The following FGGY variants were observed in gnomAD, a reference collection of about 807,000 sequenced individuals.
The protein encoded by FGGY is FGGY carbohydrate kinase domain-containing protein.
FGGY carries 72 observed loss-of-function variants against 71.3 expected under a neutral mutation model. The observed-to-expected ratio is 1.01, with a 90% CI of 0.84 to 1.23. FGGY has a LOEUF of 1.23. Among genes scored for constraint, FGGY ranks in the 50% most tolerant of loss-of-function variants. The pLI is 0.00. For missense variants in FGGY, 668 were observed against 682.3 expected, an observed-to-expected ratio of 0.98 and a Z score of 0.23; for synonymous variants, 251 against 250.3, an observed-to-expected ratio of 1.00 and a Z score of -0.02.
At chr1:59,409,623 T>TAA (rs1302372360) in intron 5 of FGGY, among the ~76,000 whole-genome samples, 1 of 146,852 alleles carries the variant, frequency 6.8e-6, no homozygotes, top group South Asian at 2.1e-4. Flanking sequence ...TATATATATA[T>TAA]AAACAGACAA....
rs142770121 is a variant in FGGY, at chr1:59,663,985, A to G, written c.1297-3298A>G. Among the ~76,000 whole-genome samples the G allele has an allele frequency of 3.5e-4, 54 of 152,282 alleles. 1 individual carries two copies. The highest frequency in any genetic ancestry group is 1.2e-3 in the African/African-American group (51 of 41,562). On this transcript the variant is annotated intron_variant, in intron 12 of 15. Coordinates refer to ENST00000303721, the MANE Select transcript of FGGY (RefSeq NM_018291.5). ...TGAAATGAAATTAAAGAGGATTGTA[A>G]TCAAGTTAACTTGGGACTGTGCAAA...
At chr1:59,543,130 TTATC>T (rs2095470320) in intron 7 of FGGY, among the ~76,000 whole-genome samples, 1 of 152,220 alleles carries the variant, frequency 6.6e-6, no homozygotes, top group Non-Finnish European at 1.5e-5. Flanking sequence ...TCTACACTAT[TTATC>T]TAAGCTGTTG....
intron 12 of FGGY, 133 bp from the exon 13 acceptor site, chr1:59,667,150 T>C: frequency 8.9e-7 from 1 of 1,120,370 alleles, no homozygotes; most frequent in Non-Finnish European, 1.3e-6. Context: ...ATAATCTCTG[T>C]GAGTCTCAGC....
chr1:59,310,079 A>T (rs530665438), intron 1 of FGGY: 5 of 150,850 alleles, frequency 3.3e-5, no homozygotes, highest in South Asian at 2.1e-4. Flanking sequence ...TGAGGGGGGA[A>T]ATTTTGCATG....
At chr1:59,712,225 A>G (rs565509846) in intron 14 of FGGY, among the ~76,000 whole-genome samples, 1 of 152,352 alleles carries the variant, frequency 6.6e-6, no homozygotes, top group Admixed American at 6.5e-5. Context: ...TGTGTCTCAC[A>G]TCCAGGTCAC....
Position 59,686,151 on chromosome 1 carries a change from T to G in FGGY, c.1512+12018T>G, listed in dbSNP as rs117040441. On this transcript the variant is annotated intron_variant, in intron 14 of 15. Coordinates refer to ENST00000303721, the MANE Select transcript of FGGY (RefSeq NM_018291.5). ...CTGGGTTTATAGCTTTTTGGAGATGTCACTTGACTCAGTGATAGAACCAAG... is the reference window on the plus strand; with the variant it reads ...CTGGGTTTATAGCTTTTTGGAGATGGCACTTGACTCAGTGATAGAACCAAG... Among the ~76,000 whole-genome samples, 55 of 152,304 alleles carry G rather than the reference T, an allele frequency of 3.6e-4. No homozygotes were observed. The East Asian group carries it at 6.2e-3, about 17-fold the overall frequency.
At chr1:59,348,477 C>G (rs561836274) in intron 4 of FGGY, among the ~76,000 whole-genome samples, 1 of 152,156 alleles carries the variant, frequency 6.6e-6, no homozygotes, top group South Asian at 2.1e-4. Context: ...TAATGGTTCC[C>G]ATTAGAGATG....
At chr1:59,353,540 A>G (rs2153225235) in intron 4 of FGGY, among the ~76,000 whole-genome samples, 1 of 152,320 alleles carries the variant, frequency 6.6e-6, no homozygotes, top group South Asian at 2.1e-4. Context: ...TATGTGTAAT[A>G]CCAATTCCAA....
chr1:59,674,098 G>A lies in FGGY; in HGVS notation c.1477G>A (p.Gly493Ser), dbSNP rs1163850987. ...CGTTCTTGTGGGTGCTGCTGTTCTG[G>A]GTGCCTGTGCCTCAGGGGATTTCGC... is the stretch of plus-strand genomic sequence containing the variant. ...ESVLVGAAVL[G>S]ACASGDFASV... Residue 493 changes from glycine to serine, a missense_variant, in exon 14 of 16, where the codon GGT (glycine) becomes AGT (serine). Gly to Ser is a moderately conservative substitution (Grantham distance 56). This residue lies in a region of FGGY where 661 missense variants were observed against 661.6 expected (regional missense o/e 1.00). Coordinates refer to ENST00000303721, the MANE Select transcript of FGGY (RefSeq NM_018291.5). 1 of 1,613,834 alleles carries A rather than the reference G, an allele frequency of 6.2e-7. No homozygotes were observed. Among genetic ancestry groups the A allele is most frequent in the East Asian group, 2.2e-5 (1 of 44,864 alleles).
intron 8 of FGGY, among the ~76,000 whole-genome samples, chr1:59,596,282 A>AT (rs60670399): frequency 0.095 from 14,134 of 149,056 alleles, 779 homozygotes; most frequent in South Asian, 0.29. Flanking sequence ...AAAATGTGTG[A>AT]TTTTTTTTTT....
intron 6 of FGGY, among the ~76,000 whole-genome samples, chr1:59,471,352 T>A (rs547517003): frequency 6.6e-6 from 1 of 152,284 alleles, no homozygotes; most frequent in East Asian, 1.9e-4. Flanking sequence ...AAACCTCTTT[T>A]CTTCATAAAT....
At position 59,439,766 on chromosome 1, in the gene FGGY, T is replaced by C. The variant is rs139695055; in HGVS notation, c.555-17195T>C. On this transcript the variant is annotated intron_variant, in intron 5 of 15. Coordinates refer to ENST00000303721, the MANE Select transcript of FGGY (RefSeq NM_018291.5). Reference sequence around the variant, plus strand: ...TCCATATCCTTCTCTTCCCTAGGCATAATTTTCCTTTCCATCTGACATTCC... The same window carrying C: ...TCCATATCCTTCTCTTCCCTAGGCACAATTTTCCTTTCCATCTGACATTCC... Among the ~76,000 whole-genome samples, 453 of 152,330 alleles carry C rather than the reference T, an allele frequency of 3.0e-3. 1 individual carries two copies. The highest frequency in any genetic ancestry group is 3.0e-3 in the Non-Finnish European group (205 of 68,028).
chr1:59,330,086 G>C (rs2048175873), intron 2 of FGGY, among the ~76,000 whole-genome samples: 1 of 151,956 alleles, frequency 6.6e-6, no homozygotes, highest in African/African-American at 2.4e-5. Context: ...AACTCCATGT[G>C]GTTCGTGAAT....
intron 10 of FGGY, among the ~76,000 whole-genome samples, chr1:59,627,324 A>C (rs1049470552): frequency 6.6e-6 from 1 of 151,258 alleles, no homozygotes; most frequent in Non-Finnish European, 1.5e-5. Flanking sequence ...TATAGTGACA[A>C]CTCTTTATGT....
rs2057521097 is a variant in FGGY, at chr1:59,371,013, A to G, written c.466-7736A>G. Among the ~76,000 whole-genome samples, 13 of 152,048 alleles carry G rather than the reference A, an allele frequency of 8.5e-5. No homozygotes were observed. The South Asian group carries it at 2.7e-3, about 32-fold the overall frequency. ...ACTGCATCAACTAACGAGCAAAATC[A>G]CCAGCTAACATCATAATGACAGGAT... On this transcript the variant is annotated intron_variant, in intron 4 of 15. Transcript: ENST00000303721.
At chr1:59,387,177 C>T (rs2060168864) in intron 5 of FGGY, among the ~76,000 whole-genome samples, 3 of 152,080 alleles carry the variant, frequency 2.0e-5, no homozygotes. Context: ...TTTCTAAATA[C>T]AATTCATAGG....
intron 5 of FGGY, among the ~76,000 whole-genome samples, chr1:59,407,390 C>T (rs192278896): frequency 1.1e-3 from 168 of 152,202 alleles, no homozygotes; most frequent in African/African-American, 4.0e-3. Context: ...GGGGGTGGTT[C>T]GACACCAGGG....
At chr1:59,576,683 C>G (rs867802656) in intron 8 of FGGY, among the ~76,000 whole-genome samples, 15 of 143,988 alleles carry the variant, frequency 1.0e-4, no homozygotes, top group African/African-American at 2.7e-4. Flanking sequence ...GACAGACACA[C>G]ACACACACAC....
At chr1:59,552,784 C>T (rs1207727849) in intron 7 of FGGY, among the ~76,000 whole-genome samples, 1 of 152,180 alleles carries the variant, frequency 6.6e-6, no homozygotes, top group Non-Finnish European at 1.5e-5. Context: ...AGACTGTGAG[C>T]AGGGACTTGT....
Sources: allele counts gnomAD v4.1 joint callset (sites outside exome capture counted in the v4.1 genomes callset), GRCh38; gene constraint gnomAD v4.1.1; regional missense constraint gnomAD v4.1.1; transcripts MANE v1.5; gene names NCBI Gene and HGNC (gene_info 2026-07-23, HGNC 2026-07-21).